Variants in SCIN observed in about 807,000 individuals in gnomAD.
SCIN encodes adseverin.
In SCIN, 91 loss-of-function variants were observed where a neutral mutation model predicts 91.8. That is an observed-to-expected ratio of 0.99 (90% CI 0.84 to 1.18). The LOEUF (loss-of-function observed/expected upper bound fraction) is 1.18, where lower values mean the gene tolerates loss of function less well. SCIN is among the 50% of genes most tolerant of loss of function. The probability of loss-of-function intolerance (pLI) is 0.00; values close to 1 mark genes in which losing one functional copy is unlikely to be tolerated. For synonymous variants in SCIN, 367 were observed against 312.6 expected (o/e 1.17, Z -1.84); for missense variants, 1,087 against 863.9 (o/e 1.26, Z -3.24).
At chr7:12,645,725 A>G (rs570180622) in intron 13 of SCIN, among the ~76,000 whole-genome samples, 124 of 152,294 alleles carry the variant, frequency 8.1e-4, no homozygotes, top group Middle Eastern at 3.4e-3. Flanking sequence ...GGTCCCACTT[A>G]TAAGTGAGAA....
At chr7:12,624,333 A>G (rs927516342) in intron 5 of SCIN, among the ~76,000 whole-genome samples, 2 of 152,352 alleles carry the variant, frequency 1.3e-5, no homozygotes, top group Non-Finnish European at 2.9e-5. Context: ...CTGCACATGA[A>G]TATCACTTTC....
At chr7:12,605,588 T>A (rs1783064168) in intron 4 of SCIN, among the ~76,000 whole-genome samples, 2 of 152,190 alleles carry the variant, frequency 1.3e-5, no homozygotes, top group Admixed American at 1.3e-4. Context: ...GATAAATTTA[T>A]ACAATATTTT....
intron 4 of SCIN, among the ~76,000 whole-genome samples, chr7:12,620,049 C>G (rs915784963): frequency 1.3e-5 from 2 of 151,690 alleles, no homozygotes; most frequent in African/African-American, 4.8e-5. Flanking sequence ...AAAGTTTGTA[C>G]ATATATATCT....
Position 12,625,831 on chromosome 7 carries a change from A to G in SCIN, c.962A>G (p.Asn321Ser), listed in dbSNP as rs781497620. Residue 321 changes from asparagine to serine, a missense_variant, in exon 7 of 16, where the codon AAT becomes AGT. Coordinates refer to ENST00000297029, the MANE Select transcript of SCIN (RefSeq NM_001112706.3). ...KTAEEFLQQM[N>S]YSKNTQIQVL... is the part of the protein sequence containing the mutation. ...GCTGAAGAATTTCTACAGCAAATGA[A>G]TTATTCCAAGAATACCCAAGTATGT... The G allele has an allele frequency of 6.2e-7, 1 of 1,611,518 alleles. No individual in the cohort carries two copies. Among genetic ancestry groups the G allele is most frequent in the South Asian group, 1.1e-5 (1 of 90,862 alleles).
At chr7:12,603,387 C>T (rs1384175371) in intron 3 of SCIN, among the ~76,000 whole-genome samples, 3 of 152,202 alleles carry the variant, frequency 2.0e-5, no homozygotes, top group East Asian at 1.9e-4. Flanking sequence ...CCACGATCCG[C>T]AAGCCTCGGC....
rs1233734361 is a variant in SCIN, at chr7:12,657,570, ATATTTT to A, written c.*4857_*4862del. Reference sequence around the variant, plus strand: ...TATATATATATATATATATATATATATATTTTTTTTTTTTTTTTTTTTTTTTTTGCA... The same window carrying A: ...TATATATATATATATATATATATATATTTTTTTTTTTTTTTTTTTTTTGCA... On this transcript the variant is annotated 3_prime_UTR_variant, in exon 16 of 16. Coordinates refer to ENST00000297029, the MANE Select transcript of SCIN (RefSeq NM_001112706.3). 2.4e-4 allele frequency: 5 copies of A among 20,852 alleles called. No individual in the cohort carries two copies. Among genetic ancestry groups the A allele is most frequent in the African/African-American group, 3.4e-4 (3 of 8,924 alleles). The allele number at this position is 20,852 out of a possible 1,614,324, so 1.3% of individuals were successfully genotyped here. A position where few individuals can be genotyped will look rare whatever the true frequency, so the allele number is the denominator to read the frequency against.
Position 12,625,054 on chromosome 7 carries a change from A to G in SCIN, c.804A>G (p.Glu268=). ...CCATGAGAGTGACTGTGGTGGCAGAAGAAAACCCCTTCTCAATGGCAATGC... is the reference window on the plus strand; with the variant it reads ...CCATGAGAGTGACTGTGGTGGCAGAGGAAAACCCCTTCTCAATGGCAATGC... The part of the protein sequence containing the change: ...SGSMRVTVVA[E]ENPFSMAMLL... Residue 268 remains glutamate, a synonymous_variant, in exon 6 of 16, where the codon GAA becomes GAG. Transcript: ENST00000297029. The G allele has an allele frequency of 6.3e-7, 1 of 1,586,052 alleles. No homozygotes were observed. The highest frequency in any genetic ancestry group is 1.3e-5 in the African/African-American group (1 of 74,628).
In SCIN at chr7:12,578,783, C is replaced by G. The variant is rs78459066; in HGVS notation, c.354+565C>G. ...TAAAATTCTGCAGGTAAACTACACA[C>G]ACGCACATACACAATTTATGCACAC... On this transcript the variant is annotated intron_variant, in intron 2 of 15. Transcript: ENST00000297029. 1.9e-3 allele frequency among the ~76,000 whole-genome samples: 294 copies of G among 152,098 alleles called. 6 individuals are homozygous for G. The East Asian group carries it at 0.031, about 16-fold the overall frequency.
chr7:12,598,118 T>C (rs933823822), intron 3 of SCIN, among the ~76,000 whole-genome samples: 4 of 152,228 alleles, frequency 2.6e-5, no homozygotes, highest in African/African-American at 9.6e-5. Context: ...AATGAATGGT[T>C]TTTAAACTAA....
intron 1 of SCIN, among the ~76,000 whole-genome samples, chr7:12,572,015 G>A (rs1782281958): frequency 6.6e-6 from 1 of 152,126 alleles, no homozygotes; most frequent in South Asian, 2.1e-4. Context: ...GAGCTTAGGA[G>A]GAAAACACAC....
At chr7:12,618,066 A>C (rs1783334668) in intron 4 of SCIN, among the ~76,000 whole-genome samples, 1 of 152,136 alleles carries the variant, frequency 6.6e-6, no homozygotes, top group Non-Finnish European at 1.5e-5. Context: ...AGGAATGCTG[A>C]AGTCCAGTCC....
rs368522683 is a variant in SCIN, at chr7:12,651,936, C to G, written c.2020+35C>G. 2 of 1,448,274 alleles carry G rather than the reference C, an allele frequency of 1.4e-6. No individual in the cohort carries two copies. Among genetic ancestry groups the G allele is most frequent in the Middle Eastern group, 3.5e-4 (2 of 5,766 alleles). The allele number at this position is 1,448,274 out of a possible 1,614,324, so 89.7% of individuals were successfully genotyped here. On this transcript the variant is annotated intron_variant, in intron 15 of 15. Transcript: ENST00000297029. The surrounding 1 kb of genome is among the most constrained non-coding windows in gnomAD (Gnocchi z 5.9). ...ATCGATGGACCATTATAGCAGTAAC[C>G]GGGCACCATTATGACCGAGTGTCTG... is the stretch of plus-strand genomic sequence containing the variant.
rs1392461735 is a variant in SCIN, at chr7:12,658,494, C to T, written c.*5779C>T. Reference sequence around the variant, plus strand: ...GGATTCTTCAGTAACACAATGCCTTCTGAGAAACAATGTTGTTCCACATTT... The same window carrying T: ...GGATTCTTCAGTAACACAATGCCTTTTGAGAAACAATGTTGTTCCACATTT... On this transcript the variant is annotated 3_prime_UTR_variant, in exon 16 of 16. Coordinates refer to ENST00000297029, the MANE Select transcript of SCIN (RefSeq NM_001112706.3). 2 of 152,312 alleles carry T rather than the reference C, an allele frequency of 1.3e-5. No individual in the cohort carries two copies. The highest frequency in any genetic ancestry group is 4.8e-5 in the African/African-American group (2 of 41,572). 9.4% of individuals were successfully genotyped at this position (152,312 alleles called of 1,614,324 possible).
At position 12,655,621 on chromosome 7, in the gene SCIN, G is replaced by C. The variant is rs1784151935; in HGVS notation, c.*2906G>C. 1 of 151,960 alleles carries C rather than the reference G, an allele frequency of 6.6e-6. No homozygotes were observed. The highest frequency in any genetic ancestry group is 6.6e-5 in the Admixed American group (1 of 15,256). The allele number at this position is 151,960 out of a possible 1,614,324, so 9.4% of individuals were successfully genotyped here. A position where few individuals can be genotyped will look rare whatever the true frequency, so the allele number is the denominator to read the frequency against. Reference sequence around the variant, plus strand: ...AATGTTAGTGGTCATCAAAATGTAGGGTTACAGGTTCACCCATACACTGTT... The same window carrying C: ...AATGTTAGTGGTCATCAAAATGTAGCGTTACAGGTTCACCCATACACTGTT... On this transcript the variant is annotated 3_prime_UTR_variant, in exon 16 of 16. Transcript: ENST00000297029.
intron 3 of SCIN, among the ~76,000 whole-genome samples, chr7:12,592,725 A>T (rs1322542498): frequency 6.6e-6 from 1 of 151,708 alleles, no homozygotes; most frequent in Non-Finnish European, 1.5e-5. Flanking sequence ...GGCATCAAAC[A>T]GGGAACAAGT....
At chr7:12,635,934 A>T in intron 9 of SCIN, 111 bp from the exon 10 acceptor site, 1 of 762,538 alleles carries the variant, frequency 1.3e-6, no homozygotes, top group Non-Finnish European at 2.2e-6. Flanking sequence ...ATGTTAAAAC[A>T]GTTCGCTTCT....
In SCIN at chr7:12,656,972, G is replaced by C. The variant is rs1784174308; in HGVS notation, c.*4257G>C. ...AGTGGCTCAACTTTAATATTCATTAGGAAATGACTAAAATCAAATATTTTA... is the reference window on the plus strand; with the variant it reads ...AGTGGCTCAACTTTAATATTCATTACGAAATGACTAAAATCAAATATTTTA... On this transcript the variant is annotated 3_prime_UTR_variant, in exon 16 of 16. Coordinates refer to ENST00000297029, the MANE Select transcript of SCIN (RefSeq NM_001112706.3). The C allele has an allele frequency of 6.6e-6, 1 of 151,626 alleles. No individual in the cohort carries two copies. The highest frequency in any genetic ancestry group is 1.5e-5 in the Non-Finnish European group (1 of 67,950). The allele number at this position is 151,626 out of a possible 1,614,324, so 9.4% of individuals were successfully genotyped here.
Position 12,626,591 on chromosome 7 carries a change from T to A in SCIN, c.989T>A (p.Val330Asp). The part of the protein sequence containing the change: ...MNYSKNTQIQ[V>D]LPEGGETPIF... ...TATTATTTTAAATTTCAGATTCAAG[T>A]TCTTCCAGAAGGAGGTGAAACACCA... The change falls in exon 8 of 16, where the codon GTT (valine) becomes GAT (aspartate). Residue 330 changes from valine (V) to aspartate (D), a missense_variant. Transcript: ENST00000297029. 1 of 1,542,190 alleles carries A rather than the reference T, an allele frequency of 6.5e-7. No homozygotes were observed. The highest frequency in any genetic ancestry group is 1.2e-5 in the South Asian group (1 of 82,742).
intron 3 of SCIN, among the ~76,000 whole-genome samples, chr7:12,594,242 G>C (rs1234340984): frequency 6.6e-6 from 1 of 151,922 alleles, no homozygotes. Flanking sequence ...ATGATGCTCT[G>C]GTGGAGGATC....
Sources: gnomAD v4.1 joint callset for allele counts (sites outside exome capture counted in the v4.1 genomes callset) on GRCh38, gnomAD v4.1.1 for gene constraint, Gnocchi (gnomAD v3.1) non-coding constraint, MANE v1.5 for transcripts, NCBI Gene and HGNC (gene_info 2026-07-23, HGNC 2026-07-21) for gene names.